The following ITGB3BP variants were observed in gnomAD, a reference collection of about 807,000 sequenced individuals.
ITGB3BP encodes the protein centromere protein R.
ITGB3BP carries 27 observed loss-of-function variants against 29.1 expected under a neutral mutation model. That is an observed-to-expected ratio of 0.93 (90% CI 0.68 to 1.28). The LOEUF is 1.28. Ranked by LOEUF, ITGB3BP falls within the 50% of genes most tolerant of loss-of-function variation. ITGB3BP has a pLI of 0.00. For synonymous variants in ITGB3BP, 61 were observed against 61.4 expected, an observed-to-expected ratio of 0.99 and a Z score of 0.03; for missense variants, 192 against 200.2, an observed-to-expected ratio of 0.96 and a Z score of 0.25.
At chr1:63,485,409 C>T (rs916440539) in intron 3 of ITGB3BP, among the ~76,000 whole-genome samples, 4 of 148,242 alleles carry the variant, frequency 2.7e-5, no homozygotes, top group African/African-American at 9.8e-5. Context: ...AGTTTTTCAC[C>T]CGCCCTCCAA....
At chr1:63,488,720 C>T (rs35636510) in intron 3 of ITGB3BP, among the ~76,000 whole-genome samples, 29,735 of 151,894 alleles carry the variant, frequency 0.2, 3,209 homozygotes, top group African/African-American at 0.29. Flanking sequence ...TATATTACAG[C>T]ACATATGAAA....
chr1:63,458,109 A>C (rs1570140538), intron 4 of ITGB3BP: 1 of 152,128 alleles, frequency 6.6e-6, no homozygotes, highest in African/African-American at 2.4e-5. Flanking sequence ...AAAACAACTG[A>C]AATTAGGTGC....
intron 4 of ITGB3BP, among the ~76,000 whole-genome samples, chr1:63,475,633 C>G (rs11809316): frequency 0.021 from 3,260 of 152,116 alleles, 125 homozygotes; most frequent in African/African-American, 0.074. Flanking sequence ...GAATAAAGAA[C>G]CTATTACTAA....
chr1:63,457,301 T>C (rs1416158666), intron 4 of ITGB3BP: 1 of 152,166 alleles, frequency 6.6e-6, no homozygotes, highest in Admixed American at 6.5e-5. Context: ...GCTGAGCAGA[T>C]TTTGGGAGAA....
chr1:63,513,955 C>A (rs1295883549), intron 1 of ITGB3BP, among the ~76,000 whole-genome samples: 1 of 152,152 alleles, frequency 6.6e-6, no homozygotes, highest in African/African-American at 2.4e-5. Context: ...TTTTAACAAA[C>A]ATGTACTATA....
At chr1:63,441,542 G>A (rs1644731016) in intron 8 of ITGB3BP, among the ~76,000 whole-genome samples, 1 of 152,092 alleles carries the variant, frequency 6.6e-6, no homozygotes, top group Non-Finnish European at 1.5e-5. Context: ...GGCCTTATTT[G>A]CTTTTTGATT....
At chr1:63,478,325 A>T (rs1270377676) in intron 4 of ITGB3BP, among the ~76,000 whole-genome samples, 4 of 152,218 alleles carry the variant, frequency 2.6e-5, no homozygotes, top group Admixed American at 6.5e-5. Flanking sequence ...CCAGCAGGAC[A>T]ATTTGAAAAT....
At chr1:63,451,132 T>C (rs1356304903) in intron 7 of ITGB3BP, among the ~76,000 whole-genome samples, 2 of 151,862 alleles carry the variant, frequency 1.3e-5, no homozygotes, top group East Asian at 1.9e-4. Context: ...AGCATAAATA[T>C]TGAAATTCTC....
intron 3 of ITGB3BP, among the ~76,000 whole-genome samples, chr1:63,487,066 T>G (rs1645544367): frequency 6.6e-6 from 1 of 152,102 alleles, no homozygotes; most frequent in Non-Finnish European, 1.5e-5. Flanking sequence ...AGTGTTTGTA[T>G]GCATTAGTTT....
At chr1:63,484,206 T>C (rs1020661589) in intron 3 of ITGB3BP, among the ~76,000 whole-genome samples, 1 of 152,178 alleles carries the variant, frequency 6.6e-6, no homozygotes, top group African/African-American at 2.4e-5. Flanking sequence ...CCATAGCACT[T>C]ACATTGTATT....
intron 1 of ITGB3BP, chr1:63,522,897 A>G: frequency 1.4e-6 from 1 of 708,116 alleles, no homozygotes; most frequent in South Asian, 1.4e-5. Flanking sequence ...ACAGTTTACG[A>G]AATCTGTCAA....
chr1:63,494,421 A>C (rs1398984294), intron 2 of ITGB3BP, among the ~76,000 whole-genome samples: 1 of 152,154 alleles, frequency 6.6e-6, no homozygotes, highest in Admixed American at 6.5e-5. Context: ...AACCAACCCC[A>C]ACTACCTTCT....
chr1:63,509,666 C>T (rs1646155218), intron 1 of ITGB3BP, among the ~76,000 whole-genome samples: 1 of 152,084 alleles, frequency 6.6e-6, no homozygotes, highest in South Asian at 2.1e-4. Context: ...CTACTATATC[C>T]ACATTACCCT....
chr1:63,461,232 C>T (rs938830305), intron 4 of ITGB3BP, among the ~76,000 whole-genome samples: 4 of 115,204 alleles, frequency 3.5e-5, no homozygotes, highest in African/African-American at 6.7e-5. Flanking sequence ...CCAGCCTGGG[C>T]GACAGAGTGA....
intron 4 of ITGB3BP, among the ~76,000 whole-genome samples, chr1:63,476,232 C>A (rs926266562): frequency 6.6e-6 from 1 of 151,546 alleles, no homozygotes; most frequent in Non-Finnish European, 1.5e-5. Flanking sequence ...GGCACGATAT[C>A]AACTCACTGC....
Position 63,523,209 on chromosome 1 carries a change from A to T in ITGB3BP, c.-76T>A. The T allele has an allele frequency of 6.2e-7, 1 of 1,603,820 alleles. No individual in the cohort carries two copies. The highest frequency in any genetic ancestry group is 8.5e-7 in the Non-Finnish European group (1 of 1,172,370). On this transcript the variant is annotated 5_prime_UTR_variant, in exon 1 of 9. Coordinates refer to ENST00000271002, the MANE Select transcript of ITGB3BP (RefSeq NM_014288.5). The stretch of plus-strand genomic sequence containing the variant: ...CTTCCGAAAACAGAAAATCCGCCAA[A>T]GGAAACGCCAAGGCATGAAAAGCGC...
At chr1:63,475,364 T>C (rs1645317161) in intron 4 of ITGB3BP, among the ~76,000 whole-genome samples, 2 of 152,234 alleles carry the variant, frequency 1.3e-5, no homozygotes, top group Middle Eastern at 6.8e-3. Flanking sequence ...AAGTTCAGCC[T>C]GGGCAACATG....
intron 2 of ITGB3BP, among the ~76,000 whole-genome samples, chr1:63,505,478 A>AT (rs1281768345): frequency 1.6e-3 from 237 of 152,036 alleles, no homozygotes; most frequent in Non-Finnish European, 1.4e-3. Context: ...GGATTCATTG[A>AT]TTTTTTGAAG....
chr1:63,462,353 C>T (rs1444907144), intron 4 of ITGB3BP, among the ~76,000 whole-genome samples: 1 of 152,146 alleles, frequency 6.6e-6, no homozygotes, highest in African/African-American at 2.4e-5. Context: ...TGTTTATTAG[C>T]TCTAGTAGCT....
Sources: allele counts gnomAD v4.1 joint callset (sites outside exome capture counted in the v4.1 genomes callset), GRCh38; gene constraint gnomAD v4.1.1; transcripts MANE v1.5; gene names NCBI Gene and HGNC (gene_info 2026-07-23, HGNC 2026-07-21).